TRPC7: variants seen among roughly 807,000 people sequenced by gnomAD.
The protein encoded by TRPC7 is transient receptor potential cation channel subfamily C member 7.
Under a neutral mutation model 90.1 loss-of-function variants are expected in TRPC7, and 42 were observed. That is an observed-to-expected ratio of 0.47 (90% confidence interval 0.36 to 0.60). The LOEUF is 0.60. TRPC7 is among the 20% of genes least tolerant of loss of function. The pLI is 0.00. For synonymous variants in TRPC7, 451 were observed against 436.3 expected, an observed-to-expected ratio of 1.03 and a Z score of -0.42; for missense variants, 955 against 1,112.3, an observed-to-expected ratio of 0.86 and a Z score of 2.01.
intron 3 of TRPC7, among the ~76,000 whole-genome samples, chr5:136,292,601 C>T (rs1318445224): frequency 1.3e-5 from 2 of 150,160 alleles, no homozygotes; most frequent in Admixed American, 6.7e-5. Context: ...CAGGAAGAAG[C>T]TGAATCTCTG....
intron 4 of TRPC7, among the ~76,000 whole-genome samples, chr5:136,270,675 C>CA (rs1561695493): frequency 6.6e-6 from 1 of 152,152 alleles, no homozygotes; most frequent in Non-Finnish European, 1.5e-5. Context: ...TGTGGAGAGA[C>CA]ACAGGCTAAA....
chr5:136,226,509 C>G, intron 8 of TRPC7: 1 of 505,640 alleles, frequency 2.0e-6, no homozygotes, highest in Non-Finnish European at 3.5e-6. Context: ...ACCGCCCCTA[C>G]CCTCCACTGG....
Position 136,353,251 on chromosome 5 carries a change from G to GT in TRPC7, c.780+3356dup, listed in dbSNP as rs141489224. ...TGGCTGCAATTTTTGTTAATGACTA[G>GT]TGTCTATTCTGGTGATAAATTAAAG... On this transcript the variant is annotated intron_variant, in intron 2 of 11. Transcript: ENST00000513104. Among the ~76,000 whole-genome samples the GT allele has an allele frequency of 2.9e-3, 437 of 152,266 alleles. 1 individual carries two copies. The highest frequency in any genetic ancestry group is 0.01 in the African/African-American group (417 of 41,546).
chr5:136,281,665 A>G (rs1757555110), intron 3 of TRPC7, among the ~76,000 whole-genome samples: 1 of 152,158 alleles, frequency 6.6e-6, no homozygotes, highest in East Asian at 1.9e-4. Context: ...ACGTGTCAAT[A>G]CAAGCTCCAC....
intron 2 of TRPC7, among the ~76,000 whole-genome samples, chr5:136,328,500 T>C (rs1499764): frequency 0.69 from 104,469 of 152,086 alleles, 36,183 homozygotes; most frequent in African/African-American, 0.77. Flanking sequence ...CCTGATCAGT[T>C]TTTGCATGAG....
rs1755262057 is a variant in TRPC7, at chr5:136,216,204, A to G, written c.2415T>C (p.Asn805=). 4 of 1,612,088 alleles carry G rather than the reference A, an allele frequency of 2.5e-6. No homozygotes were observed. Among genetic ancestry groups the G allele is most frequent in the Non-Finnish European group, 2.5e-6 (3 of 1,179,092 alleles). The change falls in exon 11 of 12, where the codon AAT becomes AAC. Residue 805 remains asparagine, a synonymous_variant. Transcript: ENST00000513104. ...AQVDRENDEV[N]EGELKEIKQD... is the part of the protein sequence containing the mutation. The stretch of plus-strand genomic sequence containing the variant: ...GGTGGAAATCCAGTCATTTACCTTC[A>G]TTGACTTCGTCATTTTCTCTGTCCA...
chr5:136,231,786 G>C (rs946496066), intron 7 of TRPC7, among the ~76,000 whole-genome samples: 1 of 152,098 alleles, frequency 6.6e-6, no homozygotes, highest in Non-Finnish European at 1.5e-5. Flanking sequence ...TTCATTTTTT[G>C]TAGGGATAGG....
chr5:136,250,984 A>T (rs1756499736), intron 6 of TRPC7, among the ~76,000 whole-genome samples: 1 of 152,248 alleles, frequency 6.6e-6, no homozygotes, highest in African/African-American at 2.4e-5. Flanking sequence ...TGTTTAAAAT[A>T]GGGACAAAAG....
chr5:136,251,034 T>C (rs1047601101), intron 6 of TRPC7, among the ~76,000 whole-genome samples: 5 of 152,220 alleles, frequency 3.3e-5, no homozygotes, highest in African/African-American at 7.2e-5. Context: ...AGAATTAGAA[T>C]TGTGTGTATA....
At chr5:136,324,965 T>A (rs1759301330) in intron 2 of TRPC7, among the ~76,000 whole-genome samples, 1 of 152,214 alleles carries the variant, frequency 6.6e-6, no homozygotes, top group Non-Finnish European at 1.5e-5. Context: ...GGGGAAAGAA[T>A]GTTTATGGAA....
chr5:136,278,855 T>G (rs1228449606), intron 3 of TRPC7, among the ~76,000 whole-genome samples: 1 of 152,136 alleles, frequency 6.6e-6, no homozygotes, highest in Non-Finnish European at 1.5e-5. Flanking sequence ...TGCTTGGAGA[T>G]TCTATCTGGA....
At chr5:136,331,314 A>G (rs1211707582) in intron 2 of TRPC7, among the ~76,000 whole-genome samples, 4 of 152,174 alleles carry the variant, frequency 2.6e-5, no homozygotes, top group African/African-American at 4.8e-5. Context: ...GATCTCAAGT[A>G]TACATTCATT....
At chr5:136,248,769 C>T (rs1756427323) in intron 6 of TRPC7, among the ~76,000 whole-genome samples, 1 of 152,230 alleles carries the variant, frequency 6.6e-6, no homozygotes, top group Non-Finnish European at 1.5e-5. Flanking sequence ...CAAAGTGTTC[C>T]TATTGCAGTT....
At chr5:136,276,126 G>A (rs1757358710) in intron 3 of TRPC7, among the ~76,000 whole-genome samples, 1 of 152,130 alleles carries the variant, frequency 6.6e-6, no homozygotes. Flanking sequence ...ACTGGAAACT[G>A]GTAATAGGCA....
chr5:136,361,648 T>G (rs1760572585), intron 1 of TRPC7, among the ~76,000 whole-genome samples: 1 of 152,204 alleles, frequency 6.6e-6, no homozygotes, highest in African/African-American at 2.4e-5. Context: ...TCTAAAATGC[T>G]ACATGCATCA....
chr5:136,311,844 GGTAA>G (rs1355687974), intron 3 of TRPC7, among the ~76,000 whole-genome samples: 3 of 152,164 alleles, frequency 2.0e-5, no homozygotes, highest in African/African-American at 4.8e-5. Flanking sequence ...CACTGAGGTG[GGTAA>G]GAGAAATGTC....
intron 7 of TRPC7, among the ~76,000 whole-genome samples, chr5:136,234,429 C>A (rs1755923542): frequency 6.6e-6 from 1 of 152,080 alleles, no homozygotes; most frequent in South Asian, 2.1e-4. Context: ...CCTGCCTCAG[C>A]CTTCAGAGTA....
chr5:136,238,291 TC>T (rs1480461133), intron 7 of TRPC7, among the ~76,000 whole-genome samples: 2 of 152,224 alleles, frequency 1.3e-5, no homozygotes, highest in African/African-American at 4.8e-5. Context: ...CTCTTTTCCC[TC>T]TGAAATGTGA....
intron 3 of TRPC7, among the ~76,000 whole-genome samples, chr5:136,275,603 T>C (rs1007847141): frequency 4.6e-5 from 7 of 152,102 alleles, no homozygotes; most frequent in Non-Finnish European, 8.8e-5. Flanking sequence ...TACCACTACT[T>C]CTCTCTCTTG....
Sources: gnomAD v4.1 joint callset for allele counts (sites outside exome capture counted in the v4.1 genomes callset) on GRCh38, gnomAD v4.1.1 for gene constraint, MANE v1.5 for transcripts, NCBI Gene and HGNC (gene_info 2026-07-23, HGNC 2026-07-21) for gene names.